Variants in ATPAF2 observed in about 807,000 individuals in gnomAD.
The protein encoded by ATPAF2 is ATP synthase mitochondrial F1 complex assembly factor 2, also known as ATP12 homolog.
ATPAF2 carries 30 observed loss-of-function variants against 36.6 expected under a neutral mutation model. That is an observed-to-expected ratio of 0.82 (90% confidence interval 0.61 to 1.11). ATPAF2 has a LOEUF of 1.11. ATPAF2 is among the 50% of genes most tolerant of loss of function. ATPAF2 has a pLI of 0.00. For synonymous variants in ATPAF2, 140 were observed against 152.6 expected, an observed-to-expected ratio of 0.92 and a Z score of 0.61; for missense variants, 321 against 372.3, an observed-to-expected ratio of 0.86 and a Z score of 1.13.
intron 3 of ATPAF2, 43 bp from the exon 4 acceptor site, chr17:18,026,459 T>TTTTGC: frequency 6.6e-7 from 1 of 1,510,328 alleles, no homozygotes; most frequent in Non-Finnish European, 9.2e-7. Flanking sequence ...CCTGCGGGGC[T>TTTTGC]CAGGCAAAAG....
chr17:18,033,361 C>CAAAAAAAA (rs200896637), intron 1 of ATPAF2, among the ~76,000 whole-genome samples: 1 of 64,518 alleles, frequency 1.5e-5, no homozygotes, highest in East Asian at 4.3e-4. Context: ...GACTCTGTCT[C>CAAAAAAAA]AAAAAAAAAA....
intron 3 of ATPAF2, 135 bp downstream of exon 3, chr17:18,028,097 G>GA (rs1286035383): frequency 2.0e-6 from 2 of 1,023,440 alleles, no homozygotes; most frequent in Non-Finnish European, 3.1e-6. Context: ...TTAGTGACTT[G>GA]AGAGGAGGTG....
chr17:18,020,888 T>A (rs566475906), intron 7 of ATPAF2: 1 of 1,071,520 alleles, frequency 9.3e-7, no homozygotes, highest in African/African-American at 1.6e-5. Flanking sequence ...CTCAAACTCC[T>A]GACCTCAAAT....
chr17:18,023,513 T>C (rs1286408805), intron 5 of ATPAF2, among the ~76,000 whole-genome samples: 2 of 152,252 alleles, frequency 1.3e-5, no homozygotes, highest in African/African-American at 2.4e-5. Context: ...CTATAAACTC[T>C]TAAGGATGAG....
At chr17:18,016,539 C>T (rs774927335), downstream of ATPAF2, 1 of 1,558,826 alleles carries the variant, frequency 6.4e-7, no homozygotes. Context: ...AGGAATCGGG[C>T]TTTGGTTTCA....
At chr17:18,037,317 C>T (rs1425549151) in intron 1 of ATPAF2, among the ~76,000 whole-genome samples, 1 of 150,960 alleles carries the variant, frequency 6.6e-6, no homozygotes, top group Non-Finnish European at 1.5e-5. Context: ...TGGCTGGGCG[C>T]GGTGGCTCAC....
chr17:18,025,286 C>A, intron 4 of ATPAF2: 1 of 188,388 alleles, frequency 5.3e-6, no homozygotes, highest in Non-Finnish European at 1.1e-5. Context: ...GCACAGATGC[C>A]AGACCTGATG....
downstream of ATPAF2, chr17:18,016,146 A>T: frequency 6.2e-7 from 1 of 1,614,024 alleles, no homozygotes; most frequent in Non-Finnish European, 8.5e-7. Flanking sequence ...AATCGAGAAG[A>T]TGAGCTGGTG....
chr17:18,029,062 C>T lies in ATPAF2; in HGVS notation c.134-403G>A, dbSNP rs1055934398. Among the ~76,000 whole-genome samples, 5 of 152,160 alleles carry T rather than the reference C, an allele frequency of 3.3e-5. No individual in the cohort carries two copies. The South Asian group carries it at 1.0e-3, about 32-fold the overall frequency. ...ACCCATTTCAGGCAAGACTCTGATGCCTCTAAGGAGTGAGTGGAAAGCCAG... is the reference window on the plus strand; with the variant it reads ...ACCCATTTCAGGCAAGACTCTGATGTCTCTAAGGAGTGAGTGGAAAGCCAG... On this transcript the variant is annotated intron_variant, in intron 1 of 7. Coordinates refer to ENST00000474627, the MANE Select transcript of ATPAF2 (RefSeq NM_145691.4).
At chr17:18,025,108 G>A in intron 4 of ATPAF2, 2 of 331,296 alleles carry the variant, frequency 6.0e-6, no homozygotes, top group South Asian at 2.5e-5. Flanking sequence ...GCAACCCTGG[G>A]TCCACACCCG....
chr17:18,024,556 C>G, intron 5 of ATPAF2, 68 bp downstream of exon 5: 1 of 1,358,484 alleles, frequency 7.4e-7, no homozygotes, highest in Non-Finnish European at 1.0e-6. Flanking sequence ...CAGCGTGACC[C>G]CCTGACCCCT....
In ATPAF2 at chr17:18,018,436, AG is replaced by A; in HGVS notation, c.*112del. ...CGGGGGGAATCTCAGGGTGACGCTG[AG>A]GCCGAGTCCCCAAAAGCCAAGGAAG... On this transcript the variant is annotated 3_prime_UTR_variant, in exon 8 of 8. Transcript: ENST00000474627. 14 of 1,454,086 alleles carry A rather than the reference AG, an allele frequency of 9.6e-6. No individual in the cohort carries two copies. Among genetic ancestry groups the A allele is most frequent in the Non-Finnish European group, 1.3e-5 (14 of 1,049,904 alleles). The allele number at this position is 1,454,086 out of a possible 1,614,324, so 90.1% of individuals were successfully genotyped here.
intron 1 of ATPAF2, among the ~76,000 whole-genome samples, chr17:18,038,479 G>A (rs1376416965): frequency 6.6e-6 from 1 of 152,224 alleles, no homozygotes; most frequent in Non-Finnish European, 1.5e-5. Context: ...GGCAGGTCTT[G>A]TGTTGGGCAG....
chr17:18,037,101 AAATT>A (rs2044713669), intron 1 of ATPAF2, among the ~76,000 whole-genome samples: 1 of 152,110 alleles, frequency 6.6e-6, no homozygotes, highest in Admixed American at 6.6e-5. Context: ...GTAAATAAAT[AAATT>A]AATTAACCCT....
intron 1 of ATPAF2, among the ~76,000 whole-genome samples, chr17:18,029,122 G>A (rs533818835): frequency 2.0e-4 from 31 of 152,292 alleles, no homozygotes; most frequent in Admixed American, 1.3e-3. Context: ...GTGATACATC[G>A]GCAGGATACA....
chr17:18,021,641 CTG>C (rs1597666417), intron 6 of ATPAF2, 102 bp downstream of exon 6: 1 of 1,005,884 alleles, frequency 9.9e-7, no homozygotes, highest in South Asian at 1.3e-5. Flanking sequence ...CCAGAACACT[CTG>C]TGCCTCTCCA....
intron 5 of ATPAF2, 84 bp downstream of exon 5, chr17:18,024,540 G>C (rs2044516332): frequency 8.4e-7 from 1 of 1,187,312 alleles, no homozygotes; most frequent in Admixed American, 1.8e-5. Context: ...AAGGGCACTA[G>C]TTTTCCAGCG....
rs536497462 is a variant in ATPAF2, at chr17:18,018,220, T to G, written c.*329A>C. ...TGGAACCTAGACAAAACAGGAAGAA[T>G]GGAGAAGTGCAGAGGCATACGTGAA... On this transcript the variant is annotated 3_prime_UTR_variant, in exon 8 of 8. Coordinates refer to ENST00000474627, the MANE Select transcript of ATPAF2 (RefSeq NM_145691.4). 1.0e-5 allele frequency: 4 copies of G among 388,820 alleles called. No homozygotes were observed. The highest frequency in any genetic ancestry group is 5.9e-5 in the East Asian group (1 of 16,874). The allele number at this position is 388,820 out of a possible 1,614,324, so 24.1% of individuals were successfully genotyped here.
In ATPAF2 at chr17:18,026,143, C is replaced by T. The variant is rs1188473686; in HGVS notation, c.422+176G>A. ...TGGCCATGTTCTGACACCATTGTAG[C>T]CCGAGGAGTCCTCCTCCTAAGGGGC... On this transcript the variant is annotated intron_variant, in intron 4 of 7. Transcript: ENST00000474627. 4 of 690,006 alleles carry T rather than the reference C, an allele frequency of 5.8e-6. No individual in the cohort carries two copies. In the Admixed American group the frequency reaches 8.2e-5, roughly 14 times the overall value. The allele number at this position is 690,006 out of a possible 1,614,324, so 42.7% of individuals were successfully genotyped here.
Sources: allele counts gnomAD v4.1 joint callset (sites outside exome capture counted in the v4.1 genomes callset), GRCh38; gene constraint gnomAD v4.1.1; transcripts MANE v1.5; gene names NCBI Gene and HGNC (gene_info 2026-07-23, HGNC 2026-07-21).